The following PARP12 variants were observed in gnomAD, a reference collection of about 807,000 sequenced individuals.
PARP12 encodes the protein poly(ADP-ribose) polymerase family member 12.
A neutral mutation model predicts 72.4 loss-of-function variants in PARP12; 59 were observed. That is an observed-to-expected ratio of 0.81 (90% CI 0.66 to 1.01). The LOEUF (loss-of-function observed/expected upper bound fraction) is 1.01, where lower values mean the gene tolerates loss of function less well. Ranked by LOEUF, PARP12 falls within the 50% of genes least tolerant of loss-of-function variation. The pLI, the probability that PARP12 is intolerant of heterozygous loss-of-function variation, is 0.00. For missense variants in PARP12, 851 were observed against 914.0 expected, an observed-to-expected ratio of 0.93 and a Z score of 0.89; for synonymous variants, 403 against 371.4, an observed-to-expected ratio of 1.09 and a Z score of -0.98.
intron 4 of PARP12, among the ~76,000 whole-genome samples, chr7:140,054,056 C>T (rs1029439651): frequency 1.3e-5 from 2 of 152,068 alleles, no homozygotes; most frequent in Admixed American, 1.3e-4. Context: ...AGGGGAGTCA[C>T]CAAATTTGAG....
chr7:140,031,668 C>G (rs1815942982), intron 8 of PARP12, among the ~76,000 whole-genome samples: 1 of 152,192 alleles, frequency 6.6e-6, no homozygotes, highest in African/African-American at 2.4e-5. Context: ...TCACCCATAT[C>G]TTAGTCTGAA....
rs184284653 is a variant in PARP12, at chr7:140,056,298, A to G, written c.760+558T>C. Among the ~76,000 whole-genome samples, 50 of 152,382 alleles carry G rather than the reference A, an allele frequency of 3.3e-4. No individual in the cohort carries two copies. In the East Asian group the frequency reaches 4.8e-3, roughly 15 times the overall value. On this transcript the variant is annotated intron_variant, in intron 3 of 11. Transcript: ENST00000263549. ...TCATTCAACAAATGTCAGAGTACCT[A>G]CTGTGGGCCAGGCACTGTCTAGGTG...
intron 6 of PARP12, among the ~76,000 whole-genome samples, chr7:140,039,189 G>C (rs930020097): frequency 5.9e-5 from 9 of 152,178 alleles, no homozygotes; most frequent in Admixed American, 1.3e-4. Flanking sequence ...CATTAGACTA[G>C]AGTCCGGGAG....
chr7:140,034,042 C>T (rs1174255936), intron 8 of PARP12, 193 bp downstream of exon 8: 20 of 1,242,488 alleles, frequency 1.6e-5, no homozygotes, highest in African/African-American at 4.7e-5. Context: ...TTATGCATCA[C>T]GAAGCTTCTA....
chr7:140,024,700 A>G lies in PARP12; in HGVS notation c.1966T>C (p.Ser656Pro). The change falls in exon 12 of 12, where the codon TCC becomes CCC. Residue 656 changes from serine (S) to proline (P), a missense_variant. Coordinates refer to ENST00000263549, the MANE Select transcript of PARP12 (RefSeq NM_022750.4). ...AAGATCACAAAGATGGAGGGGTCGGACACACTGTTCACGCAGCTATCATAG... is the reference window on the plus strand; with the variant it reads ...AAGATCACAAAGATGGAGGGGTCGGGCACACTGTTCACGCAGCTATCATAG... ...AFYDSCVNSV[S>P]DPSIFVIFEK... 1 of 1,614,180 alleles carries G rather than the reference A, an allele frequency of 6.2e-7. No individual in the cohort carries two copies.
intron 1 of PARP12, among the ~76,000 whole-genome samples, chr7:140,062,294 T>G (rs1817489773): frequency 6.9e-6 from 1 of 144,952 alleles, no homozygotes; most frequent in South Asian, 2.4e-4. Context: ...TAAATCACTC[T>G]CTCCCCCCAG....
intron 1 of PARP12, among the ~76,000 whole-genome samples, chr7:140,059,095 C>CA (rs112545653): frequency 0.034 from 3,233 of 95,148 alleles, 44 homozygotes; most frequent in Non-Finnish European, 0.046. Context: ...GACTCTGTCT[C>CA]AAAAAAAAAA....
At chr7:140,038,842 C>T (rs985025592) in intron 6 of PARP12, among the ~76,000 whole-genome samples, 8 of 152,122 alleles carry the variant, frequency 5.3e-5, no homozygotes, top group Admixed American at 2.0e-4. Flanking sequence ...CATGCCTCTG[C>T]GCAACTGAGT....
chr7:140,025,394 C>A, intron 11 of PARP12: 1 of 308,106 alleles, frequency 3.2e-6, no homozygotes, highest in Non-Finnish European at 6.5e-6. Flanking sequence ...CCACTGGCTG[C>A]TGTCCATCTT....
intron 7 of PARP12, among the ~76,000 whole-genome samples, chr7:140,036,852 A>C (rs1195879328): frequency 1.3e-5 from 2 of 152,162 alleles, no homozygotes; most frequent in Non-Finnish European, 2.9e-5. Flanking sequence ...CACATCAGCC[A>C]CTTGGAGGAA....
intron 11 of PARP12, 37 bp from the exon 12 acceptor site, chr7:140,024,922 C>T: frequency 1.3e-6 from 2 of 1,594,426 alleles, no homozygotes; most frequent in Non-Finnish European, 1.7e-6. Context: ...GGTGGAGGGG[C>T]CTGCAGCCAG....
intron 5 of PARP12, among the ~76,000 whole-genome samples, chr7:140,042,508 T>A (rs1816520304): frequency 6.6e-6 from 1 of 152,106 alleles, no homozygotes; most frequent in Non-Finnish European, 1.5e-5. Flanking sequence ...CAGGGCAGTA[T>A]CGATGAGTAA....
chr7:140,043,720 C>CA (rs1312709888), intron 5 of PARP12, among the ~76,000 whole-genome samples: 1 of 152,026 alleles, frequency 6.6e-6, no homozygotes, highest in Non-Finnish European at 1.5e-5. Context: ...TTTGTGCAGA[C>CA]AGAGTTTCAC....
chr7:140,033,637 C>A, intron 8 of PARP12: 1 of 985,406 alleles, frequency 1.0e-6, no homozygotes, highest in African/African-American at 1.7e-5. Flanking sequence ...GAGATAGGGT[C>A]TGATCAGTAC....
intron 5 of PARP12, among the ~76,000 whole-genome samples, chr7:140,043,384 A>G (rs976502641): frequency 6.6e-6 from 1 of 152,232 alleles, no homozygotes; most frequent in Non-Finnish European, 1.5e-5. Flanking sequence ...ATTGAGCATC[A>G]AAAGTATGAG....
At chr7:140,026,627 G>A (rs1815749552) in intron 10 of PARP12, among the ~76,000 whole-genome samples, 1 of 152,128 alleles carries the variant, frequency 6.6e-6, no homozygotes, top group Non-Finnish European at 1.5e-5. Flanking sequence ...TTGGAAAATG[G>A]GTACCATTTC....
chr7:140,025,020 T>C, intron 11 of PARP12, 135 bp from the exon 12 acceptor site: 1 of 749,002 alleles, frequency 1.3e-6, no homozygotes, highest in South Asian at 1.7e-5. Context: ...TCCCTCCCTC[T>C]GTGCCATGTC....
At chr7:140,032,380 T>C (rs1310510134) in intron 8 of PARP12, among the ~76,000 whole-genome samples, 1 of 152,074 alleles carries the variant, frequency 6.6e-6, no homozygotes, top group African/African-American at 2.4e-5. Context: ...TCTCGCTATG[T>C]TGCCCAGGTT....
chr7:140,045,619 G>A (rs375775675), intron 5 of PARP12, among the ~76,000 whole-genome samples: 2 of 152,188 alleles, frequency 1.3e-5, no homozygotes, highest in Admixed American at 1.3e-4. Context: ...TAAAGAGTCT[G>A]TTTAGATTTC....
Sources: gnomAD v4.1 joint callset for allele counts (sites outside exome capture counted in the v4.1 genomes callset) on GRCh38, gnomAD v4.1.1 for gene constraint, MANE v1.5 for transcripts, NCBI Gene and HGNC (gene_info 2026-07-23, HGNC 2026-07-21) for gene names.